CNGA4: variants seen among roughly 807,000 people sequenced by gnomAD.
The protein encoded by CNGA4 is cyclic nucleotide gated channel subunit alpha 4, also known as cyclic nucleotide-gated channel alpha-4.
In CNGA4, 32 loss-of-function variants were observed where a neutral mutation model predicts 45.6. The ratio of observed to expected loss-of-function variants is 0.70; its 90% CI spans 0.53 to 0.94. CNGA4 has a LOEUF of 0.94. Ranked by LOEUF, CNGA4 falls within the 40% of genes least tolerant of loss-of-function variation. The pLI is 0.00. For missense variants in CNGA4, 726 were observed against 755.1 expected (o/e 0.96, Z 0.45); for synonymous variants, 293 against 304.6 (o/e 0.96, Z 0.40).
chr11:6,244,476 G>A lies in CNGA4; in HGVS notation c.*67G>A, dbSNP rs989693935. 6 of 1,412,648 alleles carry A rather than the reference G, an allele frequency of 4.2e-6. No individual in the cohort carries two copies. The African/African-American group carries it at 8.6e-5, about 20-fold the overall frequency. 87.5% of individuals were successfully genotyped at this position (1,412,648 alleles called of 1,614,324 possible). ...AGAGTTGTAGTAAAGCCTAACTGCTGCAACTCTGTCATCCTGTCTGCGAGA... is the reference window on the plus strand; with the variant it reads ...AGAGTTGTAGTAAAGCCTAACTGCTACAACTCTGTCATCCTGTCTGCGAGA... On this transcript the variant is annotated 3_prime_UTR_variant, in exon 6 of 6. Transcript: ENST00000379936. The surrounding 1 kb of genome is among the most constrained non-coding windows in gnomAD (Gnocchi z 4.5).
chr11:6,239,137 C>T lies in CNGA4; in HGVS notation c.-70C>T. The T allele has an allele frequency of 6.2e-7, 1 of 1,610,212 alleles. No individual in the cohort carries two copies. ...CTTCAGGCAGTCAGGCACTAGTGCC[C>T]AACTCCAGAAGTCCCCTACAGGCAG... On this transcript the variant is annotated 5_prime_UTR_variant, in exon 1 of 6. Transcript: ENST00000379936.
chr11:6,240,526 C>T lies in CNGA4; in HGVS notation c.732C>T (p.Tyr244=), dbSNP rs541605683. The change falls in exon 4 of 6, where the codon TAC becomes TAT. Residue 244 remains tyrosine (Y), a synonymous_variant. Transcript: ENST00000379936. The surrounding 1 kb of genome is among the most constrained non-coding windows in gnomAD (Gnocchi z 4.9). ...DTPPPAREEE[Y]LFMVGDFLLA... ...CGCCGCCAGCCAGGGAAGAAGAGTA[C>T]CTCTTCATGGTGGGCGACTTCCTGC... 8.1e-6 allele frequency: 13 copies of T among 1,614,234 alleles called. No homozygotes were observed. In the South Asian group the frequency reaches 1.4e-4, roughly 18 times the overall value.
Sources: allele counts gnomAD v4.1 joint callset, GRCh38; gene constraint gnomAD v4.1.1; non-coding constraint Gnocchi (gnomAD v3.1); transcripts MANE v1.5; gene names NCBI Gene and HGNC (gene_info 2026-07-23, HGNC 2026-07-21).